Variants in REV3L observed in about 807,000 individuals in gnomAD.
REV3L encodes REV3 like, DNA directed polymerase zeta catalytic subunit, also known as DNA polymerase zeta catalytic subunit.
A neutral mutation model predicts 299.4 loss-of-function variants in REV3L; 69 were observed. The ratio of observed to expected loss-of-function variants is 0.23; its 90% CI spans 0.19 to 0.28. The LOEUF is 0.28. Ranked by LOEUF, REV3L falls within the 10% of genes least tolerant of loss-of-function variation. The probability of loss-of-function intolerance (pLI) is 1.00; values close to 1 mark genes in which losing one functional copy is unlikely to be tolerated. For missense variants in REV3L, 3,128 were observed against 3,693.8 expected, an observed-to-expected ratio of 0.85 and a Z score of 3.97; for synonymous variants, 1,238 against 1,271.4, an observed-to-expected ratio of 0.97 and a Z score of 0.56.
chr6:111,453,061 T>C (rs966655643), intron 1 of REV3L, among the ~76,000 whole-genome samples: 2 of 152,138 alleles, frequency 1.3e-5, no homozygotes, highest in African/African-American at 4.8e-5. Flanking sequence ...AACAATCTGA[T>C]TCTAAAAGAG....
intron 2 of REV3L, among the ~76,000 whole-genome samples, chr6:111,415,736 T>C (rs1784689437): frequency 6.6e-6 from 1 of 152,138 alleles, no homozygotes; most frequent in South Asian, 2.1e-4. Flanking sequence ...ATGTTGTTAC[T>C]TTGTCAATGA....
intron 7 of REV3L, among the ~76,000 whole-genome samples, chr6:111,388,476 G>A (rs1242985920): frequency 6.6e-6 from 1 of 152,064 alleles, no homozygotes; most frequent in Non-Finnish European, 1.5e-5. Context: ...AATTTTAATT[G>A]AACTTCAATA....
intron 31 of REV3L, among the ~76,000 whole-genome samples, chr6:111,302,960 T>A (rs540656061): frequency 4.7e-4 from 71 of 152,304 alleles, no homozygotes; most frequent in African/African-American, 1.7e-3. Flanking sequence ...ATGTTTATGA[T>A]TAACAGTGTT....
intron 7 of REV3L, 103 bp from the exon 8 acceptor site, chr6:111,388,188 T>C: frequency 2.8e-6 from 2 of 707,496 alleles, no homozygotes; most frequent in Non-Finnish European, 4.8e-6. Flanking sequence ...TTCCTATCTT[T>C]CTCTAGATAT....
intron 17 of REV3L, 90 bp downstream of exon 17, chr6:111,358,732 T>G: frequency 1.0e-6 from 1 of 992,304 alleles, no homozygotes; most frequent in South Asian, 1.9e-5. Flanking sequence ...TCATCATGCT[T>G]GCTTAGATTA....
At chr6:111,330,057 A>G (rs577812744) in intron 24 of REV3L, among the ~76,000 whole-genome samples, 56 of 152,272 alleles carry the variant, frequency 3.7e-4, no homozygotes, top group Non-Finnish European at 7.4e-4. Context: ...TTTGTTCGAA[A>G]CTTTGACAGA....
intron 29 of REV3L, chr6:111,310,449 T>G (rs1431495378): frequency 1.8e-5 from 3 of 164,536 alleles, no homozygotes; most frequent in Admixed American, 1.3e-4. Context: ...CCCAGGAGTT[T>G]GAGACCAGCT....
intron 14 of REV3L, among the ~76,000 whole-genome samples, chr6:111,365,983 A>G (rs945181095): frequency 6.6e-6 from 1 of 152,156 alleles, no homozygotes; most frequent in Non-Finnish European, 1.5e-5. Flanking sequence ...AAGTAGATAG[A>G]TCTGGGTTAC....
At chr6:111,349,373 G>A (rs1480708038) in intron 19 of REV3L, 37 bp from the exon 20 acceptor site, 1 of 968,756 alleles carries the variant, frequency 1.0e-6, no homozygotes, top group Non-Finnish European at 1.6e-6. Flanking sequence ...AGGGCTCACA[G>A]AAAACAAACT....
chr6:111,337,412 C>A (rs952263673), intron 21 of REV3L, among the ~76,000 whole-genome samples: 1 of 151,988 alleles, frequency 6.6e-6, no homozygotes, highest in Non-Finnish European at 1.5e-5. Flanking sequence ...AGCTATCGAG[C>A]GTGCTATTGT....
chr6:111,456,929 A>G (rs1790227281), intron 1 of REV3L, among the ~76,000 whole-genome samples: 1 of 152,254 alleles, frequency 6.6e-6, no homozygotes, highest in Non-Finnish European at 1.5e-5. Flanking sequence ...AAAAGTCTGA[A>G]TCTACTCAAA....
intron 1 of REV3L, among the ~76,000 whole-genome samples, chr6:111,445,665 G>A (rs1436364774): frequency 6.6e-6 from 1 of 152,116 alleles, no homozygotes; most frequent in African/African-American, 2.4e-5. Context: ...GTTGCAAAAA[G>A]TTATACTGCA....
intron 1 of REV3L, among the ~76,000 whole-genome samples, chr6:111,471,791 T>G (rs2128337841): frequency 6.6e-6 from 1 of 152,162 alleles, no homozygotes; most frequent in Non-Finnish European, 1.5e-5. Flanking sequence ...AAACACAATA[T>G]CCATTGTAAC....
intron 9 of REV3L, among the ~76,000 whole-genome samples, chr6:111,385,482 C>T (rs1368754932): frequency 6.6e-6 from 1 of 151,944 alleles, no homozygotes; most frequent in Non-Finnish European, 1.5e-5. Context: ...ACACGTAAGC[C>T]TTAAAATGAA....
chr6:111,329,815 T>A, intron 24 of REV3L, 77 bp from the exon 25 acceptor site: 1 of 1,089,192 alleles, frequency 9.2e-7, no homozygotes. Context: ...GCATAAAACA[T>A]AATAATGGCC....
chr6:111,355,936 C>T (rs975223883), intron 18 of REV3L, among the ~76,000 whole-genome samples: 1 of 152,012 alleles, frequency 6.6e-6, no homozygotes, highest in Non-Finnish European at 1.5e-5. Flanking sequence ...TTTTTTCCTT[C>T]AGAGTCGTGG....
chr6:111,385,872 GAAATGCAGATTA>G (rs984358468), intron 9 of REV3L, among the ~76,000 whole-genome samples: 4 of 152,106 alleles, frequency 2.6e-5, no homozygotes, highest in Middle Eastern at 3.2e-3. Context: ...TAGTAATTAG[GAAATGCAGATTA>G]AAATGCAGAG....
rs1582821426 is a variant in REV3L at position 111,392,941 on chromosome 6, C to T, written c.597G>A (p.Lys199=). The part of the protein sequence containing the change: ...SNTLHATGSC[K]NHLSGNSLAD... ...CAAGAGAATTTCCTGATAAATGATTCTTGCAGGATCCAGTTGCATGCAATG... is the reference window on the plus strand; with the variant it reads ...CAAGAGAATTTCCTGATAAATGATTTTTGCAGGATCCAGTTGCATGCAATG... The change falls in exon 5 of 32, where the codon AAG becomes AAA. Residue 199 remains lysine (K), a synonymous_variant. Transcript: ENST00000368802. 1 of 1,611,756 alleles carries T rather than the reference C, an allele frequency of 6.2e-7. No individual in the cohort carries two copies.
At chr6:111,326,944 G>A (rs183429019) in intron 25 of REV3L, among the ~76,000 whole-genome samples, 28 of 152,194 alleles carry the variant, frequency 1.8e-4, no homozygotes, top group Admixed American at 1.5e-3. Context: ...ACATTGTACT[G>A]TTGCGAAGTT....
Sources: allele counts gnomAD v4.1 joint callset (sites outside exome capture counted in the v4.1 genomes callset), GRCh38; gene constraint gnomAD v4.1.1; transcripts MANE v1.5; gene names NCBI Gene and HGNC (gene_info 2026-07-23, HGNC 2026-07-21).